The following ASTN2 variants were observed in gnomAD, a reference collection of about 807,000 sequenced individuals.
The protein encoded by ASTN2 is astrotactin 2.
In ASTN2, 54 loss-of-function variants were observed where a neutral mutation model predicts 139.8. That is an observed-to-expected ratio of 0.39 (90% CI 0.31 to 0.48). The LOEUF (loss-of-function observed/expected upper bound fraction) is 0.48, where lower values mean the gene tolerates loss of function less well. Ranked by LOEUF, ASTN2 falls within the 20% of genes least tolerant of loss-of-function variation. The pLI, the probability that ASTN2 is intolerant of heterozygous loss-of-function variation, is 0.95. For missense variants in ASTN2, 1,565 were observed against 1,725.1 expected (o/e 0.91, Z 1.64); for synonymous variants, 756 against 719.5 (o/e 1.05, Z -0.81).
chr9:117,112,086 G>T (rs1829265270), intron 4 of ASTN2, among the ~76,000 whole-genome samples: 1 of 151,738 alleles, frequency 6.6e-6, no homozygotes, highest in African/African-American at 2.4e-5. Flanking sequence ...TTTAAGAAAA[G>T]GTATGCAATA....
chr9:116,840,885 C>T (rs1322113957), intron 11 of ASTN2, among the ~76,000 whole-genome samples: 1 of 151,808 alleles, frequency 6.6e-6, no homozygotes, highest in Non-Finnish European at 1.5e-5. Context: ...ACGCTCCTCA[C>T]TTTCCAGACT....
intron 20 of ASTN2, among the ~76,000 whole-genome samples, chr9:116,443,663 C>G (rs914303743): frequency 1.3e-5 from 2 of 152,044 alleles, no homozygotes; most frequent in African/African-American, 4.8e-5. Flanking sequence ...AAGAAGGGAG[C>G]AGAAATGACT....
At chr9:117,377,918 A>C (rs1343597307) in intron 1 of ASTN2, among the ~76,000 whole-genome samples, 2 of 152,208 alleles carry the variant, frequency 1.3e-5, no homozygotes, top group African/African-American at 4.8e-5. Flanking sequence ...TTATCCATAC[A>C]TGTGGCTATA....
chr9:117,008,393 T>C (rs1315283048), intron 6 of ASTN2, 134 bp from the exon 7 acceptor site: 1 of 714,336 alleles, frequency 1.4e-6, no homozygotes, highest in Non-Finnish European at 2.1e-6. Context: ...GCACTTGCAA[T>C]GTGCCCGTCA....
Position 116,487,437 on chromosome 9 carries a change from C to A in ASTN2, c.3419G>T (p.Gly1140Val). The change falls in exon 20 of 23, where the codon GGT (glycine) becomes GTT (valine). Residue 1140 changes from glycine to valine, a missense_variant. This residue lies in a region of ASTN2 where 418 missense variants were observed against 465.8 expected (regional missense o/e 0.90). Transcript: ENST00000313400. ...TTCAGGGACCTCTCCATGGCTTCGA[C>A]CAGCTGCTACACAAGATGTGCCCAG... ...SGLGTSCVAA[G>V]RSHGEVPEVS... 1 of 1,614,090 alleles carries A rather than the reference C, an allele frequency of 6.2e-7. No individual in the cohort carries two copies. Among genetic ancestry groups the A allele is most frequent in the Non-Finnish European group, 8.5e-7 (1 of 1,179,998 alleles).
intron 1 of ASTN2, among the ~76,000 whole-genome samples, chr9:117,310,100 A>G (rs1188893634): frequency 6.6e-6 from 1 of 152,192 alleles, no homozygotes; most frequent in Non-Finnish European, 1.5e-5. Context: ...AGCCAAACAT[A>G]TATGTATGTG....
At chr9:117,345,439 T>C (rs1328278469) in intron 1 of ASTN2, among the ~76,000 whole-genome samples, 1 of 152,160 alleles carries the variant, frequency 6.6e-6, no homozygotes, top group African/African-American at 2.4e-5. Context: ...GCTTCAGACA[T>C]AGTAAATCAC....
At chr9:117,110,986 T>C (rs1829235156) in intron 4 of ASTN2, among the ~76,000 whole-genome samples, 2 of 152,158 alleles carry the variant, frequency 1.3e-5, no homozygotes, top group Admixed American at 6.5e-5. Flanking sequence ...GGACTACACA[T>C]GTGAAAGGCA....
intron 4 of ASTN2, among the ~76,000 whole-genome samples, chr9:117,099,710 C>A (rs1192309692): frequency 6.6e-6 from 1 of 152,170 alleles, no homozygotes; most frequent in African/African-American, 2.4e-5. Context: ...AGGGTCACAG[C>A]TTGTAAGTAG....
intron 20 of ASTN2, among the ~76,000 whole-genome samples, chr9:116,478,344 A>G (rs888564205): frequency 6.6e-6 from 1 of 152,098 alleles, no homozygotes; most frequent in African/African-American, 2.4e-5. Context: ...AAATAAGGAA[A>G]GAAAAGTTCA....
intron 20 of ASTN2, among the ~76,000 whole-genome samples, chr9:116,460,172 C>A (rs576496843): frequency 1.3e-5 from 2 of 152,124 alleles, no homozygotes; most frequent in Admixed American, 1.3e-4. Flanking sequence ...TTGCATGATT[C>A]CACTTATATG....
intron 19 of ASTN2, among the ~76,000 whole-genome samples, chr9:116,497,567 G>A (rs910006472): frequency 6.6e-6 from 1 of 152,154 alleles, no homozygotes; most frequent in Non-Finnish European, 1.5e-5. Context: ...TATGCACTTG[G>A]CTTATAAAGC....
chr9:116,472,926 T>TG (rs774842806), intron 20 of ASTN2, among the ~76,000 whole-genome samples: 37 of 44,628 alleles, frequency 8.3e-4, no homozygotes, highest in Non-Finnish European at 2.2e-3. Flanking sequence ...GACTCTGTCT[T>TG]GGAAAAAAAA....
At chr9:117,129,416 A>G (rs1829778812) in intron 4 of ASTN2, among the ~76,000 whole-genome samples, 1 of 152,360 alleles carries the variant, frequency 6.6e-6, no homozygotes, top group South Asian at 2.1e-4. Context: ...CAGAGTCATC[A>G]CTGAAAATAA....
At chr9:116,456,757 G>T (rs1848346434) in intron 20 of ASTN2, among the ~76,000 whole-genome samples, 1 of 152,144 alleles carries the variant, frequency 6.6e-6, no homozygotes, top group Admixed American at 6.6e-5. Context: ...ATCTCCCACT[G>T]GTTCCCTCCT....
At chr9:117,363,123 T>C (rs763442452) in intron 1 of ASTN2, among the ~76,000 whole-genome samples, 2 of 152,152 alleles carry the variant, frequency 1.3e-5, no homozygotes, top group Admixed American at 1.3e-4. Flanking sequence ...ACACCCTTCA[T>C]TAAATGCTCT....
chr9:117,354,959 A>G (rs1829496306), intron 1 of ASTN2, among the ~76,000 whole-genome samples: 1 of 152,216 alleles, frequency 6.6e-6, no homozygotes, highest in Non-Finnish European at 1.5e-5. Context: ...TACTATTTAT[A>G]AAAGTATTTG....
chr9:117,031,967 AG>A (rs1838259327), intron 6 of ASTN2, among the ~76,000 whole-genome samples: 1 of 152,202 alleles, frequency 6.6e-6, no homozygotes, highest in Non-Finnish European at 1.5e-5. Context: ...TCATTGTAAA[AG>A]ATGGCTCTGT....
intron 11 of ASTN2, among the ~76,000 whole-genome samples, chr9:116,855,095 A>G (rs1441720953): frequency 6.6e-6 from 1 of 152,162 alleles, no homozygotes. Context: ...ATACCATCAG[A>G]CCCAGCAAAT....
Sources: allele counts gnomAD v4.1 joint callset (sites outside exome capture counted in the v4.1 genomes callset), GRCh38; gene constraint gnomAD v4.1.1; regional missense constraint gnomAD v4.1.1; transcripts MANE v1.5; gene names NCBI Gene and HGNC (gene_info 2026-07-23, HGNC 2026-07-21).